KREMEN1: variants seen among roughly 807,000 people sequenced by gnomAD.
The protein encoded by KREMEN1 is kremen protein 1.
Under a neutral mutation model 46.5 loss-of-function variants are expected in KREMEN1, and 30 were observed. The observed-to-expected ratio is 0.65, with a 90% CI of 0.48 to 0.88. The LOEUF is 0.88. Among genes scored for constraint, KREMEN1 ranks in the 40% least tolerant of loss-of-function variants. KREMEN1 has a pLI of 0.00. For synonymous variants in KREMEN1, 214 were observed against 230.6 expected (o/e 0.93, Z 0.65); for missense variants, 533 against 596.9 (o/e 0.89, Z 1.11).
intron 4 of KREMEN1, among the ~76,000 whole-genome samples, chr22:29,122,979 T>C (rs186219104): frequency 1.6e-3 from 230 of 142,832 alleles, no homozygotes; most frequent in Non-Finnish European, 2.8e-3. Context: ...CATACTGTTA[T>C]ATACAACGTG....
intron 1 of KREMEN1, among the ~76,000 whole-genome samples, chr22:29,084,337 ATCCCAGCAGG>A (rs1271135855): frequency 6.6e-6 from 1 of 151,898 alleles, no homozygotes; most frequent in African/African-American, 2.4e-5. Context: ...ACTGGGATGT[ATCCCAGCAGG>A]TCCCAGCCTC....
chr22:29,155,106 T>C (rs971501728), intron 9 of KREMEN1, among the ~76,000 whole-genome samples: 3 of 57,930 alleles, frequency 5.2e-5, no homozygotes, highest in Non-Finnish European at 8.7e-5. Context: ...AAAGCATAAG[T>C]GTAATTTTTT....
chr22:29,106,079 T>A (rs1012699007), intron 3 of KREMEN1, among the ~76,000 whole-genome samples: 1 of 152,226 alleles, frequency 6.6e-6, no homozygotes, highest in Admixed American at 6.5e-5. Flanking sequence ...GCAGTGGTGG[T>A]CAAGGCAGTT....
chr22:29,112,354 C>G (rs1450031348), intron 3 of KREMEN1, among the ~76,000 whole-genome samples: 1 of 152,104 alleles, frequency 6.6e-6, no homozygotes, highest in African/African-American at 2.4e-5. Context: ...GGAGCAGATG[C>G]TCTGAGAAGG....
chr22:29,159,976 A>G (rs887649019), intron 9 of KREMEN1, among the ~76,000 whole-genome samples: 1 of 152,208 alleles, frequency 6.6e-6, no homozygotes, highest in African/African-American at 2.4e-5. Context: ...CCCCACTGAC[A>G]GCATTAGACA....
chr22:29,094,299 A>G lies in KREMEN1; in HGVS notation c.139A>G (p.Asn47Asp). The G allele has an allele frequency of 6.2e-7, 1 of 1,614,042 alleles. No individual in the cohort carries two copies. The highest frequency in any genetic ancestry group is 8.5e-7 in the Non-Finnish European group (1 of 1,179,952). ...ANGADYRGTQNWTALQGGKPC... is the reference protein window; with the variant it reads ...ANGADYRGTQDWTALQGGKPC... ...TGGTGCGGATTATAGGGGAACACAGAACTGGACAGCACTACAAGGCGGGAA... is the reference window on the plus strand; with the variant it reads ...TGGTGCGGATTATAGGGGAACACAGGACTGGACAGCACTACAAGGCGGGAA... The change falls in exon 2 of 9, where the codon AAC becomes GAC. Residue 47 changes from asparagine (N) to aspartate (D), a missense_variant. By Grantham distance (23) the Asn-to-Asp change is conservative. Coordinates refer to ENST00000400335, the MANE Select transcript of KREMEN1 (RefSeq NM_001039570.3).
intron 1 of KREMEN1, among the ~76,000 whole-genome samples, chr22:29,093,055 T>C (rs1198652788): frequency 1.3e-5 from 2 of 152,304 alleles, no homozygotes; most frequent in African/African-American, 2.4e-5. Flanking sequence ...ATCCATAAAA[T>C]GGTGCCATTC....
At chr22:29,128,586 G>C (rs1297268503) in intron 5 of KREMEN1, among the ~76,000 whole-genome samples, 1 of 152,164 alleles carries the variant, frequency 6.6e-6, no homozygotes, top group Non-Finnish European at 1.5e-5. Context: ...ACACCAAGTA[G>C]CATCTTTGGT....
intron 3 of KREMEN1, among the ~76,000 whole-genome samples, chr22:29,107,508 C>T (rs2038081083): frequency 1.3e-5 from 2 of 152,062 alleles, no homozygotes; most frequent in Admixed American, 6.5e-5. Flanking sequence ...GCATGAGCCA[C>T]CACACTTGGC....
At position 29,142,850 on chromosome 22, in the gene KREMEN1, C is replaced by T. The variant is rs2038787160; in HGVS notation, c.*738C>T. ...CAGGGAAAGCTTTAAGAGCTTTGGT[C>T]ATATAAAACATCCATTCAGCTGGGC... is the stretch of plus-strand genomic sequence containing the variant. On this transcript the variant is annotated 3_prime_UTR_variant, in exon 9 of 9. Coordinates refer to ENST00000400335, the MANE Select transcript of KREMEN1 (RefSeq NM_001039570.3). The T allele has an allele frequency of 1.0e-6, 1 of 985,328 alleles. No individual in the cohort carries two copies. The highest frequency in any genetic ancestry group is 1.2e-6 in the Non-Finnish European group (1 of 829,956). 61.0% of individuals were successfully genotyped at this position (985,328 alleles called of 1,614,324 possible).
intron 3 of KREMEN1, among the ~76,000 whole-genome samples, chr22:29,120,052 A>G (rs1483235352): frequency 1.4e-5 from 2 of 140,402 alleles, no homozygotes; most frequent in Admixed American, 1.4e-4. Flanking sequence ...GTGATGATGG[A>G]AACAGGGAGG....
At chr22:29,130,209 C>T (rs132275) in intron 5 of KREMEN1, among the ~76,000 whole-genome samples, 80,429 of 152,008 alleles carry the variant, frequency 0.53, 24,068 homozygotes, top group East Asian at 0.67. Flanking sequence ...CATAAAAGTT[C>T]AGTAATCTGC....
In KREMEN1 at chr22:29,142,074, A is replaced by C; in HGVS notation, c.1339A>C (p.Ser447Arg). The C allele has an allele frequency of 6.2e-7, 1 of 1,612,320 alleles. No homozygotes were observed. The highest frequency in any genetic ancestry group is 1.1e-5 in the South Asian group (1 of 90,680). The change falls in exon 9 of 9, where the codon AGT becomes CGT. Residue 447 changes from serine to arginine, a missense_variant. Ser to Arg is a moderately radical substitution (Grantham distance 110, BLOSUM62 -1). Transcript: ENST00000400335. ...SIFKKKLKGQ[S>R]QQDDRNPLVS... ...CTTTAAGAAGAAACTCAAGGGTCAG[A>C]GTCAACAAGATGACCGCAATCCCCT...
intron 5 of KREMEN1, among the ~76,000 whole-genome samples, chr22:29,131,669 T>TATATATGC (rs1491481615): frequency 3.1e-5 from 4 of 128,892 alleles, no homozygotes; most frequent in African/African-American, 1.3e-4. Flanking sequence ...TATATACATG[T>TATATATGC]ATATATATGC....
At chr22:29,164,514 A>G (rs2039037013) in intron 9 of KREMEN1, among the ~76,000 whole-genome samples, 1 of 152,124 alleles carries the variant, frequency 6.6e-6, no homozygotes, top group South Asian at 2.1e-4. Context: ...ACTGGAGGCC[A>G]AGGCAGGCAG....
intron 2 of KREMEN1, 55 bp from the exon 3 acceptor site, chr22:29,098,807 G>T: frequency 1.6e-6 from 2 of 1,286,040 alleles, no homozygotes; most frequent in South Asian, 2.4e-5. Context: ...GAAAAGCAAT[G>T]AACCAGTTGA....
intron 1 of KREMEN1, among the ~76,000 whole-genome samples, chr22:29,086,736 C>T (rs182558214): frequency 6.6e-6 from 1 of 152,220 alleles, no homozygotes; most frequent in Admixed American, 6.5e-5. Flanking sequence ...GAATATTTGA[C>T]GGCACTGTCA....
At position 29,073,247 on chromosome 22, in the gene KREMEN1, C is replaced by T. The variant is rs1038526008; in HGVS notation, c.97+20C>T. The T allele has an allele frequency of 4.6e-6, 5 of 1,085,694 alleles. No individual in the cohort carries two copies. Among genetic ancestry groups the T allele is most frequent in the African/African-American group, 1.7e-5 (1 of 60,222 alleles). 67.3% of individuals were successfully genotyped at this position (1,085,694 alleles called of 1,614,324 possible). On this transcript the variant is annotated intron_variant, in intron 1 of 8. Coordinates refer to ENST00000400335, the MANE Select transcript of KREMEN1 (RefSeq NM_001039570.3). The surrounding 1 kb of genome is among the most constrained non-coding windows in gnomAD (Gnocchi z 4.4). ...GACCCGGTGAGTGTGAGCGACCCCC[C>T]GCCGCCCGCCCTGAGCGGAGCCCAC... is the stretch of plus-strand genomic sequence containing the variant.
At chr22:29,155,589 A>C (rs907329265) in intron 9 of KREMEN1, among the ~76,000 whole-genome samples, 1 of 152,086 alleles carries the variant, frequency 6.6e-6, no homozygotes, top group African/African-American at 2.4e-5. Flanking sequence ...TATTTGATAT[A>C]TTTATATGTG....
Sources: allele counts gnomAD v4.1 joint callset (sites outside exome capture counted in the v4.1 genomes callset), GRCh38; gene constraint gnomAD v4.1.1; non-coding constraint Gnocchi (gnomAD v3.1); transcripts MANE v1.5; gene names NCBI Gene and HGNC (gene_info 2026-07-23, HGNC 2026-07-21).